The following PHF19 variants were observed in gnomAD, a reference collection of about 807,000 sequenced individuals.
PHF19 encodes the protein polycomb like 3.
A neutral mutation model predicts 79.8 loss-of-function variants in PHF19; 21 were observed. That is an observed-to-expected ratio of 0.26 (90% CI 0.19 to 0.38). The LOEUF is 0.38. PHF19 is among the 10% of genes least tolerant of loss of function. PHF19 has a pLI of 1.00. For missense variants in PHF19, 445 were observed against 744.2 expected (o/e 0.60, Z 4.68); for synonymous variants, 273 against 296.3 (o/e 0.92, Z 0.81).
upstream of PHF19, among the ~76,000 whole-genome samples, chr9:120,879,887 C>T (rs538876267): frequency 4.6e-5 from 7 of 151,940 alleles, no homozygotes; most frequent in South Asian, 1.5e-3. Flanking sequence ...CTAAAATAGC[C>T]TAAAATGTGA....
chr9:120,888,125 A>C (rs1460446297), intron 1 of PHF19, among the ~76,000 whole-genome samples: 1 of 152,168 alleles, frequency 6.6e-6, no homozygotes, highest in East Asian at 1.9e-4. Flanking sequence ...GGCATGCGCC[A>C]CCACTCCTGG....
At chr9:120,883,277 G>A (rs746684564) in intron 1 of PHF19, among the ~76,000 whole-genome samples, 1 of 152,210 alleles carries the variant, frequency 6.6e-6, no homozygotes, top group Non-Finnish European at 1.5e-5. Flanking sequence ...TTGCCAGCTT[G>A]CTGTGGAACC....
intron 1 of PHF19, chr9:120,876,382 C>A (rs2046052350): frequency 6.6e-6 from 1 of 152,042 alleles, no homozygotes; most frequent in Non-Finnish European, 1.5e-5. Flanking sequence ...TCTCCCGCTG[C>A]GCCTCTAGGA....
At chr9:120,892,374 C>T (rs1198548368) in intron 1 of PHF19, among the ~76,000 whole-genome samples, 1 of 152,036 alleles carries the variant, frequency 6.6e-6, no homozygotes, top group African/African-American at 2.4e-5. Context: ...GTACAGGAAA[C>T]GGCCCCTGAG....
intron 1 of PHF19, among the ~76,000 whole-genome samples, chr9:120,887,315 G>A (rs753331350): frequency 1.3e-5 from 2 of 152,030 alleles, no homozygotes; most frequent in Admixed American, 6.6e-5. Context: ...TTAGCCAGTC[G>A]TGGTGGCGCG....
chr9:120,883,774 A>C (rs2046223634), intron 1 of PHF19, among the ~76,000 whole-genome samples: 1 of 151,838 alleles, frequency 6.6e-6, no homozygotes, highest in South Asian at 2.1e-4. Context: ...AAAAAAAAAA[A>C]AAAAAAATAG....
upstream of PHF19, among the ~76,000 whole-genome samples, chr9:120,879,953 A>G (rs1280840787): frequency 2.6e-5 from 4 of 151,642 alleles, no homozygotes; most frequent in Non-Finnish European, 4.4e-5. Flanking sequence ...GAACTGTGAT[A>G]CACCATTACA....
In PHF19 at chr9:120,858,197, C is replaced by T. The variant is rs144405933; in HGVS notation, c.1490G>A (p.Arg497His). ...AKRWAAELDG[R>H]CPSDSSAEGA... is the part of the protein sequence containing the mutation. ...CTCTGCACTGCTGTCCGAGGGGCAG[C>T]GTCCATCCAGCTCAGCTGCCCACCG... The change falls in exon 15 of 15, where the codon CGC becomes CAC. Residue 497 changes from arginine to histidine, a missense_variant. By Grantham distance (29) the Arg-to-His change is conservative. Transcript: ENST00000373896. 2 of 1,596,664 alleles carry T rather than the reference C, an allele frequency of 1.3e-6. No homozygotes were observed. The highest frequency in any genetic ancestry group is 1.7e-4 in the Middle Eastern group (1 of 6,010).
At chr9:120,884,133 A>G (rs544247059) in intron 1 of PHF19, among the ~76,000 whole-genome samples, 13 of 152,280 alleles carry the variant, frequency 8.5e-5, no homozygotes, top group Admixed American at 8.5e-4. Context: ...TTTGCGAGAT[A>G]TTTTGTCTTC....
At chr9:120,900,340 T>C in the PHF19 span, among the ~76,000 whole-genome samples, 68,013 of 152,100 alleles carry the variant, frequency 0.45, 18,012 homozygotes, top group South Asian at 0.69. Context: ...GGGCTAATGG[T>C]AGAATGTGAT....
At chr9:120,871,004 G>C (rs1011729170) in intron 3 of PHF19, among the ~76,000 whole-genome samples, 11 of 152,202 alleles carry the variant, frequency 7.2e-5, no homozygotes, top group Admixed American at 6.5e-4. Context: ...CCTGGTTCAA[G>C]CAATTCTCCT....
chr9:120,894,658 GC>G (rs1257923799), intron 1 of PHF19: 1 of 320,426 alleles, frequency 3.1e-6, no homozygotes, highest in African/African-American at 2.2e-5. Flanking sequence ...AGCCAGGGCA[GC>G]CCCGCGCGTT....
chr9:120,902,902 T>A, the PHF19 span: 1 of 152,258 alleles, frequency 6.6e-6, no homozygotes, highest in Non-Finnish European at 1.5e-5. Context: ...TCAATGAAGC[T>A]TTGCTGAAAG....
Position 120,874,017 on chromosome 9 carries a change from T to C in PHF19, c.230A>G (p.Asn77Ser), listed in dbSNP as rs1016104897. The C allele has an allele frequency of 1.2e-6, 2 of 1,609,456 alleles. No individual in the cohort carries two copies. Among genetic ancestry groups the C allele is most frequent in the Middle Eastern group, 1.8e-4 (1 of 5,674 alleles). The change falls in exon 3 of 15, where the codon AAT becomes AGT. Residue 77 changes from asparagine (N) to serine (S), a missense_variant. Physicochemically the swap from Asn to Ser is conservative, Grantham distance 46 (BLOSUM62 1). Transcript: ENST00000373896. This position sits in a 1 kb window ranked among gnomAD's most constrained non-coding sequence, Gnocchi z 4.5. ...CTTCCATAGGACCCAGTATTTGGAATTATCTTCGAAAGTCACGAGGCAGCT... is the reference window on the plus strand; with the variant it reads ...CTTCCATAGGACCCAGTATTTGGAACTATCTTCGAAAGTCACGAGGCAGCT... Reference protein sequence around the residue: ...KQSCLVTFEDNSKYWVLWKDI... With the variant: ...KQSCLVTFEDSSKYWVLWKDI...
At position 120,865,788 on chromosome 9, in the gene PHF19, C is replaced by G; in HGVS notation, c.822G>C (p.Gln274His). ...VHLALYNLGV[Q>H]SKKKYFDFEE... The stretch of plus-strand genomic sequence containing the variant: ...CAAAGTCAAAGTACTTCTTCTTGCT[C>G]TGTACCCCCAGATTATAGAGGGCCA... Residue 274 changes from glutamine (Q) to histidine (H), a missense_variant, in exon 9 of 15, where the codon CAG becomes CAC. Around this residue, in one of 5 missense-constraint regions of PHF19, gnomAD observed 167 missense variants for 375.8 expected, o/e 0.44. Coordinates refer to ENST00000373896, the MANE Select transcript of PHF19 (RefSeq NM_015651.3). 1 of 1,614,200 alleles carries G rather than the reference C, an allele frequency of 6.2e-7. No individual in the cohort carries two copies. Among genetic ancestry groups the G allele is most frequent in the Non-Finnish European group, 8.5e-7 (1 of 1,180,022 alleles).
intron 1 of PHF19, among the ~76,000 whole-genome samples, chr9:120,887,810 G>A (rs1048751556): frequency 6.6e-6 from 1 of 152,030 alleles, no homozygotes; most frequent in African/African-American, 2.4e-5. Flanking sequence ...TTCCACTTAC[G>A]GTATTGGAGA....
upstream of PHF19, among the ~76,000 whole-genome samples, chr9:120,899,423 G>A (rs1588144550): frequency 6.6e-6 from 1 of 150,720 alleles, no homozygotes; most frequent in East Asian, 1.9e-4. Context: ...GTGAACCTGG[G>A]AGGCAGAGCT....
intron 3 of PHF19, among the ~76,000 whole-genome samples, chr9:120,872,613 T>C (rs1185430818): frequency 5.3e-5 from 8 of 152,164 alleles, no homozygotes; most frequent in African/African-American, 1.9e-4. Flanking sequence ...ACTGGCTGAG[T>C]TCTGCAGCCT....
Position 120,870,911 on chromosome 9 carries a change from T to G in PHF19, c.269-373A>C, listed in dbSNP as rs1040815324. Among the ~76,000 whole-genome samples, 7 of 152,222 alleles carry G rather than the reference T, an allele frequency of 4.6e-5. No individual in the cohort carries two copies. Among genetic ancestry groups the G allele is most frequent in the Admixed American group, 4.6e-4 (7 of 15,278 alleles). The stretch of plus-strand genomic sequence containing the variant: ...TTTATTATGGGATAATATAATTTGT[T>G]TGTTTGTTTTGTTGAGATGGAGTCT... On this transcript the variant is annotated intron_variant, in intron 3 of 14. Coordinates refer to ENST00000373896, the MANE Select transcript of PHF19 (RefSeq NM_015651.3). This position sits in a 1 kb window ranked among gnomAD's most constrained non-coding sequence, Gnocchi z 4.4.
Sources: allele counts gnomAD v4.1 joint callset (sites outside exome capture counted in the v4.1 genomes callset), GRCh38; gene constraint gnomAD v4.1.1; regional missense constraint gnomAD v4.1.1; non-coding constraint Gnocchi (gnomAD v3.1); transcripts MANE v1.5; gene names NCBI Gene and HGNC (gene_info 2026-07-23, HGNC 2026-07-21).